The following TEC variants were observed in gnomAD, a reference collection of about 807,000 sequenced individuals.
TEC encodes tyrosine-protein kinase Tec.
TEC carries 72 observed loss-of-function variants against 93.0 expected under a neutral mutation model. The ratio of observed to expected loss-of-function variants is 0.77; its 90% CI spans 0.64 to 0.94. The LOEUF (loss-of-function observed/expected upper bound fraction) is 0.94. TEC is among the 40% of genes least tolerant of loss of function. The pLI is 0.00. For missense variants in TEC, 630 were observed against 757.9 expected, an observed-to-expected ratio of 0.83 and a Z score of 1.98; for synonymous variants, 249 against 247.7, an observed-to-expected ratio of 1.01 and a Z score of -0.05.
At chr4:48,153,920 G>T (rs1560378317) in intron 9 of TEC, among the ~76,000 whole-genome samples, 1 of 152,214 alleles carries the variant, frequency 6.6e-6, no homozygotes. Context: ...TACCAGGAGG[G>T]ACAACCTTGT....
intron 2 of TEC, among the ~76,000 whole-genome samples, chr4:48,211,981 C>T (rs1352909743): frequency 1.3e-5 from 2 of 151,530 alleles, no homozygotes; most frequent in Admixed American, 6.6e-5. Flanking sequence ...CACCTGTAGT[C>T]CCATCTACTC....
At position 48,138,702 on chromosome 4, in the gene TEC, T is replaced by C. The variant is rs1415775291; in HGVS notation, c.1775A>G (p.Asn592Ser). The C allele has an allele frequency of 3.1e-6, 5 of 1,614,056 alleles. No individual in the cohort carries two copies. Among genetic ancestry groups the C allele is most frequent in the Admixed American group, 1.7e-5 (1 of 60,000 alleles). The change falls in exon 17 of 18, where the codon AAC becomes AGC. Residue 592 changes from asparagine (N) to serine (S), a missense_variant. By Grantham distance (46) the Asn-to-Ser change is conservative. Coordinates refer to ENST00000381501, the MANE Select transcript of TEC (RefSeq NM_003215.3). ...TCTCAGCATCACCTCATACACATAG[T>C]TGGACGCCAACTTCGGCTGGTAGAG... ...HRLYQPKLAS[N>S]YVYEVMLRCW...
rs71200935 is a variant in TEC, at chr4:48,160,859, G to GAGGAAGGAAGGAAGGAAGGAAGGAAGGA, written c.737+2842_737+2843insTCCTTCCTTCCTTCCTTCCTTCCTTCCT. Reference sequence around the variant, plus strand: ...GGAGGGAGAGAGGGAGGGAGGAAGGGAGGAAGGAATTAATTCAAAAGCAGC... The same window carrying GAGGAAGGAAGGAAGGAAGGAAGGAAGGA: ...GGAGGGAGAGAGGGAGGGAGGAAGGGAGGAAGGAAGGAAGGAAGGAAGGAAGGAAGGAAGGAATTAATTCAAAAGCAGC... On this transcript the variant is annotated intron_variant, in intron 8 of 17. Transcript: ENST00000381501. 2.2e-3 allele frequency among the ~76,000 whole-genome samples: 240 copies of GAGGAAGGAAGGAAGGAAGGAAGGAAGGA among 110,868 alleles called. 29 individuals carry two copies. Among genetic ancestry groups the GAGGAAGGAAGGAAGGAAGGAAGGAAGGA allele is most frequent in the African/African-American group, 2.8e-3 (94 of 33,336 alleles). The allele number at this position is 110,868 out of a possible 152,430, so 72.7% of individuals were successfully genotyped here. A position where few individuals can be genotyped will look rare whatever the true frequency, so the allele number is the denominator to read the frequency against.
intron 2 of TEC, among the ~76,000 whole-genome samples, chr4:48,207,662 CCTGTAGTCCTAGCTA>C (rs1226660818): frequency 1.3e-5 from 2 of 151,108 alleles, no homozygotes; most frequent in African/African-American, 4.9e-5. Flanking sequence ...GTGGCACATG[CCTGTAGTCCTAGCTA>C]CTTAGGAGGC....
At chr4:48,179,828 GAAT>G (rs1721514500) in intron 2 of TEC, among the ~76,000 whole-genome samples, 1 of 152,124 alleles carries the variant, frequency 6.6e-6, no homozygotes, top group African/African-American at 2.4e-5. Flanking sequence ...TGTAAAATGG[GAAT>G]AATAATAGTA....
chr4:48,196,714 A>G (rs1722312197), intron 2 of TEC, among the ~76,000 whole-genome samples: 1 of 152,158 alleles, frequency 6.6e-6, no homozygotes, highest in African/African-American at 2.4e-5. Context: ...TCCTCAGGTC[A>G]TGACAAATAT....
At chr4:48,248,556 G>A (rs1459851230) in intron 1 of TEC, among the ~76,000 whole-genome samples, 4 of 152,234 alleles carry the variant, frequency 2.6e-5, no homozygotes, top group Admixed American at 2.6e-4. Flanking sequence ...GGGGAATGAT[G>A]CAGGCCTTTT....
At chr4:48,148,757 T>C (rs940992356) in intron 11 of TEC, among the ~76,000 whole-genome samples, 12 of 152,300 alleles carry the variant, frequency 7.9e-5, no homozygotes, top group African/African-American at 2.9e-4. Context: ...GTTGTACAGA[T>C]TATTTCATCA....
intron 2 of TEC, among the ~76,000 whole-genome samples, chr4:48,188,959 G>C (rs1721997769): frequency 6.6e-6 from 1 of 152,170 alleles, no homozygotes; most frequent in Non-Finnish European, 1.5e-5. Context: ...ATCTCAAGCT[G>C]AGGTGGTTTT....
chr4:48,163,608 T>C, intron 8 of TEC, 94 bp downstream of exon 8: 1 of 794,882 alleles, frequency 1.3e-6, no homozygotes, highest in Non-Finnish European at 2.0e-6. Flanking sequence ...CAAAGAATCA[T>C]GAAAGATATC....
intron 2 of TEC, among the ~76,000 whole-genome samples, chr4:48,205,711 G>A (rs1467706231): frequency 6.6e-6 from 1 of 152,198 alleles, no homozygotes; most frequent in Non-Finnish European, 1.5e-5. Flanking sequence ...TGTAAAGAAG[G>A]ATTTGGAGAA....
intron 2 of TEC, among the ~76,000 whole-genome samples, chr4:48,185,837 C>CTCTCCCTCTCCCTCTCCCG (rs1385847556): frequency 7.3e-6 from 1 of 136,606 alleles, no homozygotes; most frequent in Non-Finnish European, 1.6e-5. Flanking sequence ...TCCCATCTCC[C>CTCTCCCTCTCCCTCTCCCG]TCTCCCTCTC....
At chr4:48,152,930 GA>G (rs1418244543) in intron 9 of TEC, among the ~76,000 whole-genome samples, 2 of 152,128 alleles carry the variant, frequency 1.3e-5, no homozygotes, top group Admixed American at 6.6e-5. Flanking sequence ...TAACTAAATA[GA>G]ATACTAAATC....
Position 48,137,493 on chromosome 4 carries a change from C to G in TEC, c.1819G>C (p.Glu607Gln). Residue 607 changes from glutamate (E) to glutamine (Q), a missense_variant, in exon 18 of 18, where the codon GAG becomes CAG. Physicochemically the swap from Glu to Gln is conservative, Grantham distance 29 (BLOSUM62 2). Coordinates refer to ENST00000381501, the MANE Select transcript of TEC (RefSeq NM_003215.3). ...AGATCTTCGAAAGAAGGCCTTCCCT[C>G]TGGTTTCTACAATTAAAAGTCAAAG... The part of the protein sequence containing the change: ...VMLRCWQEKP[E>Q]GRPSFEDLLR... 6.2e-7 allele frequency: 1 copy of G among 1,614,000 alleles called. No individual in the cohort carries two copies. The highest frequency in any genetic ancestry group is 1.3e-5 in the African/African-American group (1 of 75,038).
At chr4:48,170,429 A>T in intron 4 of TEC, 53 bp from the exon 5 acceptor site, 2 of 1,194,044 alleles carry the variant, frequency 1.7e-6, no homozygotes, top group South Asian at 3.0e-5. Context: ...CAACTACAGA[A>T]TGTTTCATAA....
At chr4:48,181,715 G>A (rs1279476458) in intron 2 of TEC, among the ~76,000 whole-genome samples, 2 of 151,174 alleles carry the variant, frequency 1.3e-5, no homozygotes, top group Non-Finnish European at 3.0e-5. Context: ...AGAATTGGAA[G>A]GGATAAAGGA....
At chr4:48,227,069 C>T (rs7678247) in intron 2 of TEC, among the ~76,000 whole-genome samples, 24,233 of 152,010 alleles carry the variant, frequency 0.16, 2,138 homozygotes, top group Non-Finnish European at 0.2. Context: ...CACACACATA[C>T]ACACACACAG....
chr4:48,149,650 T>C lies in TEC; in HGVS notation c.913A>G (p.Thr305Ala). ...TAATACTTCTTTGGAGATGTTGTTG[T>C]TTCCTTTATATGATAATGCCTAAAA... ...SGFRHYHIKE[T>A]TTSPKKYYLA... Residue 305 changes from threonine to alanine, a missense_variant, in exon 11 of 18, where the codon ACA becomes GCA. Physicochemically the swap from Thr to Ala is moderately conservative, Grantham distance 58 (BLOSUM62 0). Coordinates refer to ENST00000381501, the MANE Select transcript of TEC (RefSeq NM_003215.3). 6.2e-7 allele frequency: 1 copy of C among 1,612,422 alleles called. No homozygotes were observed. Among genetic ancestry groups the C allele is most frequent in the Non-Finnish European group, 8.5e-7 (1 of 1,179,456 alleles).
intron 3 of TEC, among the ~76,000 whole-genome samples, chr4:48,175,592 T>C (rs1721292533): frequency 1.3e-5 from 2 of 152,112 alleles, no homozygotes; most frequent in Admixed American, 6.5e-5. Context: ...GAGATGCGCG[T>C]GTGTGTGCTT....
Sources: gnomAD v4.1 joint callset for allele counts (sites outside exome capture counted in the v4.1 genomes callset) on GRCh38, gnomAD v4.1.1 for gene constraint, MANE v1.5 for transcripts, NCBI Gene and HGNC (gene_info 2026-07-23, HGNC 2026-07-21) for gene names.